Variants in ALPL observed in about 807,000 individuals in gnomAD.
ALPL encodes the protein alkaline phosphatase, tissue-nonspecific isozyme.
ALPL carries 42 observed loss-of-function variants against 51.3 expected under a neutral mutation model. That is an observed-to-expected ratio of 0.82 (90% CI 0.64 to 1.06). The LOEUF (loss-of-function observed/expected upper bound fraction) is 1.06. Among genes scored for constraint, ALPL ranks in the 50% least tolerant of loss-of-function variants. The probability of loss-of-function intolerance (pLI) is 0.00; values close to 1 mark genes in which losing one functional copy is unlikely to be tolerated. For synonymous variants in ALPL, 279 were observed against 296.4 expected (o/e 0.94, Z 0.60); for missense variants, 589 against 709.4 (o/e 0.83, Z 1.93).
chr1:21,550,971 T>A (rs1260155252), intron 1 of ALPL, among the ~76,000 whole-genome samples: 4 of 152,184 alleles, frequency 2.6e-5, no homozygotes. Context: ...TAAACAGGGC[T>A]GATGTGCACA....
Position 21,564,019 on chromosome 1 carries a change from A to G in ALPL, c.473-22A>G, listed in dbSNP as rs1024198059. ...CACCCCGATCTGTGGATAAAGCCAA[A>G]CCCGCCCCTCCTGCACCCCAGGGAA... On this transcript the variant is annotated intron_variant, in intron 5 of 11. Coordinates refer to ENST00000374840, the MANE Select transcript of ALPL (RefSeq NM_000478.6). This position sits in a 1 kb window ranked among gnomAD's most constrained non-coding sequence, Gnocchi z 5.8. 2 of 1,610,904 alleles carry G rather than the reference A, an allele frequency of 1.2e-6. No individual in the cohort carries two copies. The highest frequency in any genetic ancestry group is 1.7e-6 in the Non-Finnish European group (2 of 1,179,560).
At chr1:21,549,586 G>A (rs1624623) in intron 1 of ALPL, among the ~76,000 whole-genome samples, 102,105 of 151,324 alleles carry the variant, frequency 0.67, 35,420 homozygotes, top group Middle Eastern at 0.78. Flanking sequence ...TGATTCTCCT[G>A]CCTCAGCCTC....
intron 1 of ALPL, among the ~76,000 whole-genome samples, chr1:21,537,666 A>G (rs981758749): frequency 2.0e-5 from 3 of 152,090 alleles, no homozygotes; most frequent in Non-Finnish European, 4.4e-5. Flanking sequence ...GAGCTCTGCC[A>G]TTGGTGACCG....
chr1:21,539,260 G>T (rs1316924243), intron 1 of ALPL, among the ~76,000 whole-genome samples: 1 of 152,162 alleles, frequency 6.6e-6, no homozygotes, highest in Non-Finnish European at 1.5e-5. Context: ...TTTGTCATCT[G>T]TAAAATGGGG....
At chr1:21,510,565 C>A (rs767891891) in intron 1 of ALPL, among the ~76,000 whole-genome samples, 5 of 152,214 alleles carry the variant, frequency 3.3e-5, no homozygotes, top group Admixed American at 6.5e-5. Context: ...TCATGTACAT[C>A]ATTTCATTTT....
intron 1 of ALPL, among the ~76,000 whole-genome samples, chr1:21,516,476 T>G (rs546053487): frequency 1.3e-5 from 2 of 152,340 alleles, no homozygotes; most frequent in South Asian, 4.1e-4. Flanking sequence ...GCCTTGCCTG[T>G]AATTACTATT....
chr1:21,551,367 T>G (rs552293218), intron 1 of ALPL: 8 of 152,362 alleles, frequency 5.3e-5, no homozygotes, highest in African/African-American at 1.7e-4. Context: ...TGAGGTGGCA[T>G]GAAGCTCAGT....
At chr1:21,510,364 G>A (rs947122578) in intron 1 of ALPL, among the ~76,000 whole-genome samples, 1 of 152,158 alleles carries the variant, frequency 6.6e-6, no homozygotes, top group African/African-American at 2.4e-5. Flanking sequence ...CTGGGTGGAG[G>A]GTGAAATTCC....
intron 1 of ALPL, among the ~76,000 whole-genome samples, chr1:21,515,169 A>G (rs1157117692): frequency 6.6e-6 from 1 of 152,178 alleles, no homozygotes; most frequent in African/African-American, 2.4e-5. Context: ...AGCTCAGCAA[A>G]TATTTTATGT....
intron 1 of ALPL, among the ~76,000 whole-genome samples, chr1:21,542,562 C>G (rs1644200054): frequency 6.6e-6 from 1 of 152,238 alleles, no homozygotes; most frequent in Admixed American, 6.5e-5. Flanking sequence ...TAGCTTCCAG[C>G]CAGGCGCAGT....
chr1:21,550,713 C>A (rs1006195330), intron 1 of ALPL, among the ~76,000 whole-genome samples: 1 of 152,166 alleles, frequency 6.6e-6, no homozygotes, highest in African/African-American at 2.4e-5. Context: ...GTACCCTCCA[C>A]GTGGAGCCTC....
chr1:21,574,544 C>G (rs1261530825), intron 9 of ALPL: 1 of 148,364 alleles, frequency 6.7e-6, no homozygotes, highest in Non-Finnish European at 1.5e-5. Flanking sequence ...CACACACATG[C>G]ACACACGTGA....
intron 2 of ALPL, among the ~76,000 whole-genome samples, chr1:21,559,847 G>T (rs1450174856): frequency 6.6e-6 from 1 of 152,146 alleles, no homozygotes; most frequent in East Asian, 1.9e-4. Context: ...GGTCTGTCTG[G>T]CACTAAAGCT....
intron 2 of ALPL, among the ~76,000 whole-genome samples, chr1:21,558,334 G>A (rs1171160508): frequency 6.6e-6 from 1 of 152,092 alleles, no homozygotes; most frequent in East Asian, 1.9e-4. Context: ...GTTGTAGCGG[G>A]TCAGGGTGGG....
chr1:21,551,059 C>G (rs1057324989), intron 1 of ALPL, among the ~76,000 whole-genome samples: 2 of 152,232 alleles, frequency 1.3e-5, no homozygotes, highest in African/African-American at 4.8e-5. Context: ...TTCCCATGCG[C>G]TGTGCCTGTC....
In ALPL at chr1:21,570,353, C is replaced by G. The variant is rs1570289921; in HGVS notation, c.841C>G (p.His281Asp). 6.2e-7 allele frequency: 1 copy of G among 1,614,140 alleles called. No homozygotes were observed. The highest frequency in any genetic ancestry group is 1.1e-5 in the South Asian group (1 of 91,078). Residue 281 changes from histidine (H) to aspartate (D), a missense_variant, in exon 8 of 12, where the codon CAC becomes GAC. Transcript: ENST00000374840. Reference sequence around the variant, plus strand: ...CACGGAACTCCTGACCCTTGACCCCCACAATGTGGACTACCTATTGGGTAA... The same window carrying G: ...CACGGAACTCCTGACCCTTGACCCCGACAATGTGGACTACCTATTGGGTAA... ...NRTELLTLDP[H>D]NVDYLLGLFE...
chr1:21,517,611 G>A (rs1643825022), intron 1 of ALPL, among the ~76,000 whole-genome samples: 1 of 152,132 alleles, frequency 6.6e-6, no homozygotes, highest in Admixed American at 6.5e-5. Flanking sequence ...GAAATGACAA[G>A]CCTAGAAGGA....
intron 5 of ALPL, 64 bp downstream of exon 5, chr1:21,563,348 T>C (rs1644514611): frequency 2.0e-6 from 3 of 1,535,950 alleles, no homozygotes; most frequent in Non-Finnish European, 2.6e-6. Flanking sequence ...TCAGTCTTTC[T>C]GACTGTGTCA....
chr1:21,551,051 C>A (rs1330122528), intron 1 of ALPL, among the ~76,000 whole-genome samples: 1 of 152,182 alleles, frequency 6.6e-6, no homozygotes, highest in Non-Finnish European at 1.5e-5. Context: ...TGCCGGTTTT[C>A]CCATGCGCTG....
Sources: gnomAD v4.1 joint callset for allele counts (sites outside exome capture counted in the v4.1 genomes callset) on GRCh38, gnomAD v4.1.1 for gene constraint, Gnocchi (gnomAD v3.1) non-coding constraint, MANE v1.5 for transcripts, NCBI Gene and HGNC (gene_info 2026-07-23, HGNC 2026-07-21) for gene names.